SLIT2: variants seen among roughly 807,000 people sequenced by gnomAD.
SLIT2 encodes slit homolog 2 protein.
A neutral mutation model predicts 185.7 loss-of-function variants in SLIT2; 41 were observed. That is an observed-to-expected ratio of 0.22 (90% CI 0.17 to 0.29). SLIT2 has a LOEUF of 0.29. Ranked by LOEUF, SLIT2 falls within the 10% of genes least tolerant of loss-of-function variation. SLIT2 has a pLI of 1.00. For missense variants in SLIT2, 1,571 were observed against 1,909.0 expected, an observed-to-expected ratio of 0.82 and a Z score of 3.30; for synonymous variants, 693 against 680.2, an observed-to-expected ratio of 1.02 and a Z score of -0.29.
intron 4 of SLIT2, among the ~76,000 whole-genome samples, chr4:20,298,134 G>A (rs751454032): frequency 6.6e-6 from 1 of 151,308 alleles, no homozygotes; most frequent in African/African-American, 2.4e-5. Context: ...TGCTGCCCGG[G>A]CTGGAGTGCA....
chr4:20,277,479 A>ATTGAATT (rs1484565506), intron 4 of SLIT2, among the ~76,000 whole-genome samples: 2 of 151,946 alleles, frequency 1.3e-5, no homozygotes, highest in African/African-American at 4.8e-5. Context: ...GTATATAAAT[A>ATTGAATT]TGATTGAATT....
rs1455338701 is a variant in SLIT2 at position 20,484,819 on chromosome 4, A to G, written c.540-1381A>G. On this transcript the variant is annotated intron_variant, in intron 6 of 36. Coordinates refer to ENST00000504154, the MANE Select transcript of SLIT2 (RefSeq NM_004787.4). This position sits in a 1 kb window ranked among gnomAD's most constrained non-coding sequence, Gnocchi z 4.3. ...CTCCCTTACAGCAGGTCAGTAGTCC[A>G]TTGGAGCTGGAGATTATCTGCCACA... 1.3e-5 allele frequency among the ~76,000 whole-genome samples: 2 copies of G among 152,148 alleles called. No individual in the cohort carries two copies. Among genetic ancestry groups the G allele is most frequent in the African/African-American group, 2.4e-5 (1 of 41,444 alleles).
chr4:20,430,420 G>A (rs903764682), intron 4 of SLIT2, among the ~76,000 whole-genome samples: 25 of 152,228 alleles, frequency 1.6e-4, no homozygotes, highest in African/African-American at 5.5e-4. Flanking sequence ...TTCTCATGTG[G>A]CCTCTCAGGC....
chr4:20,305,715 A>G (rs1427854692), intron 4 of SLIT2, among the ~76,000 whole-genome samples: 1 of 151,322 alleles, frequency 6.6e-6, no homozygotes, highest in Non-Finnish European at 1.5e-5. Flanking sequence ...TCCACTAAAA[A>G]TACAAAAATT....
chr4:20,565,337 G>T (rs1247407719), intron 26 of SLIT2, among the ~76,000 whole-genome samples: 3 of 151,954 alleles, frequency 2.0e-5, no homozygotes, highest in African/African-American at 7.2e-5. Flanking sequence ...CTACGCCTTT[G>T]TTCTGAGTTA....
chr4:20,609,890 A>T, intron 33 of SLIT2, 123 bp from the exon 34 acceptor site: 7 of 832,036 alleles, frequency 8.4e-6, no homozygotes, highest in Non-Finnish European at 1.2e-5. Flanking sequence ...ACTCGTCTTT[A>T]TCTTCATTAG....
At chr4:20,465,735 A>G (rs1232614833) in intron 4 of SLIT2, among the ~76,000 whole-genome samples, 2 of 152,112 alleles carry the variant, frequency 1.3e-5, no homozygotes, top group African/African-American at 4.8e-5. Context: ...GCATTTCACA[A>G]TTTTTTCTAC....
intron 12 of SLIT2, among the ~76,000 whole-genome samples, chr4:20,521,636 G>A (rs77930478): frequency 7.0e-4 from 107 of 152,168 alleles, no homozygotes; most frequent in African/African-American, 2.3e-3. Flanking sequence ...GAGAGGTGTG[G>A]GGTTAATCAG....
rs1722220775 is a variant in SLIT2 at position 20,253,751 on chromosome 4, T to C, written c.-65T>C. On this transcript the variant is annotated 5_prime_UTR_variant, in exon 1 of 37. Transcript: ENST00000504154. ...GCACTGGGCCTCAGACACTGCGCGG[T>C]TCCCTCGGAGCAGCAAGCTAAAGAA... The C allele has an allele frequency of 6.4e-7, 1 of 1,567,304 alleles. No individual in the cohort carries two copies. The highest frequency in any genetic ancestry group is 1.7e-5 in the Admixed American group (1 of 58,660).
intron 4 of SLIT2, chr4:20,364,156 T>A (rs1339986057): frequency 2.0e-6 from 1 of 495,558 alleles, no homozygotes; most frequent in East Asian, 1.5e-4. Context: ...TGATTTATTC[T>A]GAAAAGCAGA....
chr4:20,336,651 G>A (rs1720522782), intron 4 of SLIT2, among the ~76,000 whole-genome samples: 1 of 151,972 alleles, frequency 6.6e-6, no homozygotes, highest in African/African-American at 2.4e-5. Flanking sequence ...TGCACGTTGT[G>A]CACATCTACC....
intron 4 of SLIT2, 134 bp downstream of exon 4, chr4:20,269,015 T>C (rs1713324773): frequency 1.6e-6 from 1 of 626,000 alleles, no homozygotes; most frequent in Non-Finnish European, 2.9e-6. Flanking sequence ...TTTGTGTTTT[T>C]TCTTTAGGAA....
chr4:20,447,960 A>T (rs576165936), intron 4 of SLIT2, among the ~76,000 whole-genome samples: 1 of 152,328 alleles, frequency 6.6e-6, no homozygotes, highest in Admixed American at 6.5e-5. Flanking sequence ...CAGTAGAAAG[A>T]TGTGGAAACT....
At chr4:20,432,921 A>G (rs1729097273) in intron 4 of SLIT2, among the ~76,000 whole-genome samples, 1 of 152,214 alleles carries the variant, frequency 6.6e-6, no homozygotes, top group Non-Finnish European at 1.5e-5. Context: ...AAGAAGAATC[A>G]TTTGAATTTT....
intron 4 of SLIT2, among the ~76,000 whole-genome samples, chr4:20,354,822 A>G (rs1722172370): frequency 2.0e-5 from 3 of 151,808 alleles, no homozygotes; most frequent in South Asian, 4.2e-4. Flanking sequence ...CAGAATTAAT[A>G]CAATTACTTT....
intron 4 of SLIT2, among the ~76,000 whole-genome samples, chr4:20,459,285 A>G (rs1235661947): frequency 3.9e-5 from 6 of 152,206 alleles, no homozygotes; most frequent in African/African-American, 1.2e-4. Context: ...AGAGATGCAT[A>G]TAAATCAAGA....
chr4:20,519,403 C>A lies in SLIT2; in HGVS notation c.1080C>A (p.Ile360=). The change falls in exon 12 of 37, where the codon ATC becomes ATA. Residue 360 remains isoleucine, a synonymous_variant. Coordinates refer to ENST00000504154, the MANE Select transcript of SLIT2 (RefSeq NM_004787.4). ...TCAGTGTCCTCTATGGAAATAAAAT[C>A]ACAGAACTCCCCAAAAGTTTATTTG... ...LNSLVLYGNK[I]TELPKSLFEG... 8.8e-6 allele frequency: 14 copies of A among 1,584,832 alleles called. No individual in the cohort carries two copies. Among genetic ancestry groups the A allele is most frequent in the Non-Finnish European group, 1.2e-5 (14 of 1,154,818 alleles).
chr4:20,440,492 A>G (rs1729664901), intron 4 of SLIT2, among the ~76,000 whole-genome samples: 1 of 152,338 alleles, frequency 6.6e-6, no homozygotes, highest in Non-Finnish European at 1.5e-5. Context: ...TGTAAATAGC[A>G]CAGTATATTC....
At chr4:20,577,025 T>C (rs925546183) in intron 29 of SLIT2, among the ~76,000 whole-genome samples, 1 of 151,668 alleles carries the variant, frequency 6.6e-6, no homozygotes, top group Non-Finnish European at 1.5e-5. Flanking sequence ...ATTGAGAAAA[T>C]ATATTATGCA....
Sources: gnomAD v4.1 joint callset for allele counts (sites outside exome capture counted in the v4.1 genomes callset) on GRCh38, gnomAD v4.1.1 for gene constraint, Gnocchi (gnomAD v3.1) non-coding constraint, MANE v1.5 for transcripts, NCBI Gene and HGNC (gene_info 2026-07-23, HGNC 2026-07-21) for gene names.